The following MACO1 variants were observed in gnomAD, a reference collection of about 807,000 sequenced individuals.
The protein encoded by MACO1 is macoilin.
In MACO1, 14 loss-of-function variants were observed where a neutral mutation model predicts 78.7. The ratio of observed to expected loss-of-function variants is 0.18; its 90% CI spans 0.12 to 0.28. The LOEUF (loss-of-function observed/expected upper bound fraction) is 0.28, where lower values mean the gene tolerates loss of function less well. Among genes scored for constraint, MACO1 ranks in the 10% least tolerant of loss-of-function variants. The pLI is 1.00. For synonymous variants in MACO1, 288 were observed against 291.6 expected (o/e 0.99, Z 0.12); for missense variants, 501 against 799.0 (o/e 0.63, Z 4.50).
intron 6 of MACO1, among the ~76,000 whole-genome samples, chr1:25,470,983 G>T (rs1030724086): frequency 6.6e-6 from 1 of 151,840 alleles, no homozygotes; most frequent in Non-Finnish European, 1.5e-5. Flanking sequence ...AGCCAGGGTC[G>T]CACCTCTGCA....
chr1:25,487,257 G>A (rs1208755742), intron 8 of MACO1, among the ~76,000 whole-genome samples: 1 of 152,076 alleles, frequency 6.6e-6, no homozygotes, highest in African/African-American at 2.4e-5. Flanking sequence ...AGGTTCAAGC[G>A]ATTCTCCTGC....
chr1:25,432,166 CTTAA>C (rs900869656), intron 1 of MACO1, among the ~76,000 whole-genome samples: 3 of 152,308 alleles, frequency 2.0e-5, no homozygotes, highest in African/African-American at 7.2e-5. Context: ...TGGATGTAGG[CTTAA>C]TTGAGTCCTC....
rs1033416563 is a variant in MACO1 at position 25,485,142 on chromosome 1, G to A, written c.1314-471G>A. Among the ~76,000 whole-genome samples the A allele has an allele frequency of 6.6e-6, 1 of 152,184 alleles. No homozygotes were observed. Among genetic ancestry groups the A allele is most frequent in the Non-Finnish European group, 1.5e-5 (1 of 68,034 alleles). The stretch of plus-strand genomic sequence containing the variant: ...GTGAGCAAACATCCTGAGCTGGAAA[G>A]GAAAAGCTGTAGTAGGCTACAGCAA... On this transcript the variant is annotated intron_variant, in intron 7 of 10. Transcript: ENST00000374343. This position sits in a 1 kb window ranked among gnomAD's most constrained non-coding sequence, Gnocchi z 4.3.
At chr1:25,446,613 C>T (rs760646563) in intron 1 of MACO1, 149 bp from the exon 2 acceptor site, 31 of 738,488 alleles carry the variant, frequency 4.2e-5, no homozygotes, top group Non-Finnish European at 6.4e-5. Context: ...AGATGGGCCA[C>T]GGCAGCATCT....
At chr1:25,431,603 G>A in intron 1 of MACO1, among the ~76,000 whole-genome samples, 1 of 152,064 alleles carries the variant, frequency 6.6e-6, no homozygotes, top group Non-Finnish European at 1.5e-5. Flanking sequence ...CCGGAGCCAG[G>A]AGGCGCGTGG....
chr1:25,468,855 G>A (rs1399019113), intron 6 of MACO1, among the ~76,000 whole-genome samples: 2 of 152,022 alleles, frequency 1.3e-5, no homozygotes, highest in East Asian at 1.9e-4. Flanking sequence ...TTTTTGTTTT[G>A]TTTTGTTTTT....
In MACO1 at chr1:25,454,334, A is replaced by G; in HGVS notation, c.425A>G (p.Asp142Gly). ...VYIEAAIRFK[D>G]LKNFHVDLCR... ...ATTGAAGCAGCCATTAGATTTAAAG[A>G]TCTCAAAAACTTTCATGTAGACCTT... Residue 142 changes from aspartate (D) to glycine (G), a missense_variant, in exon 4 of 11, where the codon GAT (aspartate) becomes GGT (glycine). Asp to Gly is a moderately conservative substitution (Grantham distance 94, BLOSUM62 -1). Around this residue, in one of 5 missense-constraint regions of MACO1, gnomAD observed 171 missense variants for 292.1 expected, o/e 0.59. Coordinates refer to ENST00000374343, the MANE Select transcript of MACO1 (RefSeq NM_018202.6). 6.2e-7 allele frequency: 1 copy of G among 1,611,910 alleles called. No homozygotes were observed. Among genetic ancestry groups the G allele is most frequent in the Non-Finnish European group, 8.5e-7 (1 of 1,179,284 alleles).
intron 5 of MACO1, among the ~76,000 whole-genome samples, 179 bp downstream of exon 5, chr1:25,457,010 C>T (rs1284534526): frequency 1.3e-5 from 2 of 151,900 alleles, no homozygotes; most frequent in East Asian, 3.8e-4. Context: ...AAGTTTTTTA[C>T]ATACTGTCTG....
intron 9 of MACO1, among the ~76,000 whole-genome samples, chr1:25,490,907 T>C (rs1422322719): frequency 6.6e-6 from 1 of 152,214 alleles, no homozygotes; most frequent in Non-Finnish European, 1.5e-5. Flanking sequence ...TTTTCTATAT[T>C]CCTAAATTCT....
intron 1 of MACO1, among the ~76,000 whole-genome samples, 198 bp downstream of exon 1, chr1:25,431,376 C>T (rs1231936524): frequency 1.4e-5 from 2 of 146,552 alleles, no homozygotes; most frequent in African/African-American, 4.9e-5. Flanking sequence ...AGGGTCGGCC[C>T]GGCCGGGCGG....
chr1:25,437,085 A>C (rs1349508522), intron 1 of MACO1, among the ~76,000 whole-genome samples: 1 of 151,772 alleles, frequency 6.6e-6, no homozygotes, highest in Non-Finnish European at 1.5e-5. Context: ...GGCTAGAAAT[A>C]ATCTCATTCT....
At chr1:25,489,357 T>C (rs1031885383) in intron 9 of MACO1, 64 bp downstream of exon 9, 5 of 1,580,262 alleles carry the variant, frequency 3.2e-6, no homozygotes, top group Non-Finnish European at 4.3e-6. Flanking sequence ...ACTTGTGCTC[T>C]GTGTTGCAGT....
At chr1:25,470,469 A>G (rs2043257673) in intron 6 of MACO1, among the ~76,000 whole-genome samples, 1 of 152,206 alleles carries the variant, frequency 6.6e-6, no homozygotes, top group Non-Finnish European at 1.5e-5. Flanking sequence ...CAGAGCGGTC[A>G]GTTTAGGAGA....
At chr1:25,452,779 C>T (rs1419205071) in intron 3 of MACO1, among the ~76,000 whole-genome samples, 4 of 151,330 alleles carry the variant, frequency 2.6e-5, no homozygotes, top group African/African-American at 9.8e-5. Context: ...TCACTGCAAC[C>T]TCCGCCTCCT....
At position 25,431,195 on chromosome 1, in the gene MACO1, C is replaced by G; in HGVS notation, c.80+17C>G. 1 of 1,579,680 alleles carries G rather than the reference C, an allele frequency of 6.3e-7. No individual in the cohort carries two copies. Among genetic ancestry groups the G allele is most frequent in the Non-Finnish European group, 8.6e-7 (1 of 1,167,122 alleles). Reference sequence around the variant, plus strand: ...TTACGGCAGGTGAGCGGCTGCACCCCCACTCCGCGGGCGCGGGCCCTGCGG... The same window carrying G: ...TTACGGCAGGTGAGCGGCTGCACCCGCACTCCGCGGGCGCGGGCCCTGCGG... On this transcript the variant is annotated intron_variant, in intron 1 of 10. Coordinates refer to ENST00000374343, the MANE Select transcript of MACO1 (RefSeq NM_018202.6).
At chr1:25,455,944 A>G (rs944795140) in intron 4 of MACO1, among the ~76,000 whole-genome samples, 1 of 151,958 alleles carries the variant, frequency 6.6e-6, no homozygotes, top group African/African-American at 2.4e-5. Flanking sequence ...GCTACCTGTA[A>G]AGTCTCTACC....
At chr1:25,487,217 G>A (rs1279335379) in intron 8 of MACO1, among the ~76,000 whole-genome samples, 1 of 152,044 alleles carries the variant, frequency 6.6e-6, no homozygotes, top group Non-Finnish European at 1.5e-5. Flanking sequence ...GCAGTGGCGC[G>A]ATCTCAGCTC....
chr1:25,439,475 C>T (rs572151658), intron 1 of MACO1, among the ~76,000 whole-genome samples: 40 of 151,504 alleles, frequency 2.6e-4, no homozygotes, highest in African/African-American at 8.5e-4. Context: ...TGTACGCGCG[C>T]GTGTGTGTGT....
At chr1:25,480,210 A>G (rs191920252) in intron 6 of MACO1, among the ~76,000 whole-genome samples, 3 of 152,222 alleles carry the variant, frequency 2.0e-5, no homozygotes, top group African/African-American at 7.2e-5. Context: ...TAAATTTTTT[A>G]AAATTGCTGA....
Sources: allele counts gnomAD v4.1 joint callset (sites outside exome capture counted in the v4.1 genomes callset), GRCh38; gene constraint gnomAD v4.1.1; regional missense constraint gnomAD v4.1.1; non-coding constraint Gnocchi (gnomAD v3.1); transcripts MANE v1.5; gene names NCBI Gene and HGNC (gene_info 2026-07-23, HGNC 2026-07-21).